SMYD3: variants seen among roughly 807,000 people sequenced by gnomAD.
The protein encoded by SMYD3 is SET and MYND domain containing 3.
SMYD3 carries 36 observed loss-of-function variants against 57.7 expected under a neutral mutation model. The observed-to-expected ratio is 0.62, with a 90% CI of 0.48 to 0.82. The LOEUF (loss-of-function observed/expected upper bound fraction) is 0.82. Ranked by LOEUF, SMYD3 falls within the 40% of genes least tolerant of loss-of-function variation. The pLI is 0.00. For synonymous variants in SMYD3, 211 were observed against 195.0 expected (o/e 1.08, Z -0.68); for missense variants, 515 against 538.8 (o/e 0.96, Z 0.44).
intron 5 of SMYD3, among the ~76,000 whole-genome samples, chr1:246,123,818 T>C (rs1005955647): frequency 2.0e-5 from 3 of 152,184 alleles, no homozygotes; most frequent in Non-Finnish European, 2.9e-5. Context: ...GTGTTTTTTT[T>C]CCCCTGAGAA....
intron 10 of SMYD3, among the ~76,000 whole-genome samples, chr1:245,804,339 T>C (rs1389351197): frequency 2.0e-5 from 3 of 152,268 alleles, no homozygotes; most frequent in Non-Finnish European, 2.9e-5. Context: ...CAGTGGCACT[T>C]TGGGAGGCCA....
chr1:246,346,803 CA>C (rs1057265708), intron 2 of SMYD3, among the ~76,000 whole-genome samples: 4 of 151,718 alleles, frequency 2.6e-5, no homozygotes, highest in African/African-American at 9.7e-5. Context: ...TACTAAAAGG[CA>C]AAAAAACATA....
intron 5 of SMYD3, among the ~76,000 whole-genome samples, chr1:246,134,100 A>G (rs1487172857): frequency 6.6e-6 from 1 of 152,140 alleles, no homozygotes; most frequent in East Asian, 1.9e-4. Flanking sequence ...TCCTTTATAT[A>G]TCACATCGCC....
At chr1:245,846,851 T>C (rs1456768178) in intron 10 of SMYD3, among the ~76,000 whole-genome samples, 1 of 152,250 alleles carries the variant, frequency 6.6e-6, no homozygotes, top group Non-Finnish European at 1.5e-5. Context: ...GGGAGGACAT[T>C]ACGGTGCTAT....
At chr1:246,467,968 C>T (rs1460785569) in intron 1 of SMYD3, among the ~76,000 whole-genome samples, 1 of 152,170 alleles carries the variant, frequency 6.6e-6, no homozygotes, top group East Asian at 1.9e-4. Flanking sequence ...CACGACCAGC[C>T]TGGGCAACAT....
intron 5 of SMYD3, among the ~76,000 whole-genome samples, chr1:246,218,131 G>C (rs1205401713): frequency 6.6e-6 from 1 of 151,774 alleles, no homozygotes; most frequent in African/African-American, 2.4e-5. Flanking sequence ...AAAAAAGAAA[G>C]TAGACAAGAA....
At chr1:246,204,216 C>T (rs564282486) in intron 5 of SMYD3, among the ~76,000 whole-genome samples, 3 of 152,222 alleles carry the variant, frequency 2.0e-5, no homozygotes, top group East Asian at 1.9e-4. Flanking sequence ...TCTATTTTTC[C>T]CCTATTTTTT....
chr1:245,909,387 G>A (rs1204812188), intron 8 of SMYD3, among the ~76,000 whole-genome samples: 2 of 152,058 alleles, frequency 1.3e-5, no homozygotes, highest in African/African-American at 4.8e-5. Context: ...AAAAAAGAAT[G>A]AATACCAATT....
At chr1:245,790,793 G>C (rs1365507780) in intron 10 of SMYD3, among the ~76,000 whole-genome samples, 1 of 152,194 alleles carries the variant, frequency 6.6e-6, no homozygotes, top group Non-Finnish European at 1.5e-5. Flanking sequence ...CTGAGTTGTA[G>C]AGCCAGATTT....
At chr1:246,086,236 A>T (rs2060718921) in intron 5 of SMYD3, among the ~76,000 whole-genome samples, 1 of 151,990 alleles carries the variant, frequency 6.6e-6, no homozygotes. Flanking sequence ...CCCTGTATGG[A>T]TTTTTGTCAG....
intron 11 of SMYD3, among the ~76,000 whole-genome samples, chr1:245,753,161 T>C (rs575482689): frequency 1.1e-4 from 16 of 151,038 alleles, no homozygotes; most frequent in Admixed American, 7.9e-4. Context: ...GAGTCTGAGA[T>C]ACTAAGTTTA....
chr1:246,441,762 C>A (rs188942096), intron 1 of SMYD3, among the ~76,000 whole-genome samples: 1 of 152,298 alleles, frequency 6.6e-6, no homozygotes, highest in Non-Finnish European at 1.5e-5. Flanking sequence ...CAGGCACATG[C>A]CAGCATGTCC....
intron 10 of SMYD3, among the ~76,000 whole-genome samples, chr1:245,775,373 ATTC>A (rs2046536964): frequency 6.6e-6 from 1 of 152,158 alleles, no homozygotes; most frequent in Non-Finnish European, 1.5e-5. Context: ...ACTAAGAAAA[ATTC>A]TTCTGCCTTG....
At chr1:246,287,032 G>A (rs547054240) in intron 5 of SMYD3, among the ~76,000 whole-genome samples, 73 of 151,840 alleles carry the variant, frequency 4.8e-4, no homozygotes, top group Admixed American at 1.4e-3. Flanking sequence ...CACCAGGACC[G>A]GCTAATTTTT....
At chr1:245,949,159 G>A (rs951861665) in intron 5 of SMYD3, among the ~76,000 whole-genome samples, 5 of 152,068 alleles carry the variant, frequency 3.3e-5, no homozygotes, top group Non-Finnish European at 5.9e-5. Context: ...TTGCCCAGAC[G>A]CCCAAGGACC....
chr1:246,087,826 C>T (rs1450605000), intron 5 of SMYD3, among the ~76,000 whole-genome samples: 9 of 152,196 alleles, frequency 5.9e-5, no homozygotes, highest in Non-Finnish European at 5.9e-5. Flanking sequence ...CTTACGCGGA[C>T]TGAAACCCGT....
At chr1:245,944,990 G>A (rs1028468201) in intron 5 of SMYD3, among the ~76,000 whole-genome samples, 3 of 152,056 alleles carry the variant, frequency 2.0e-5, no homozygotes, top group Admixed American at 6.6e-5. Flanking sequence ...ATTAACTCAA[G>A]ATGGATTAAA....
intron 4 of SMYD3, among the ~76,000 whole-genome samples, chr1:246,327,723 C>G (rs1055705177): frequency 1.3e-5 from 2 of 152,140 alleles, no homozygotes; most frequent in African/African-American, 4.8e-5. Flanking sequence ...TAATTTACAA[C>G]TAGGTCATGA....
intron 1 of SMYD3, among the ~76,000 whole-genome samples, chr1:246,447,615 C>T (rs1056167433): frequency 1.3e-5 from 2 of 152,196 alleles, no homozygotes; most frequent in African/African-American, 4.8e-5. Context: ...ATTTCTTTTT[C>T]AGTCTTATAG....
Sources: gnomAD v4.1 joint callset for allele counts (sites outside exome capture counted in the v4.1 genomes callset) on GRCh38, gnomAD v4.1.1 for gene constraint, MANE v1.5 for transcripts, NCBI Gene and HGNC (gene_info 2026-07-23, HGNC 2026-07-21) for gene names.